OXR1: variants seen among roughly 807,000 people sequenced by gnomAD.
OXR1 encodes oxidation resistance protein 1.
OXR1 carries 41 observed loss-of-function variants against 104.6 expected under a neutral mutation model. The observed-to-expected ratio is 0.39, with a 90% CI of 0.31 to 0.51. The LOEUF (loss-of-function observed/expected upper bound fraction) is 0.51, where lower values mean the gene tolerates loss of function less well. OXR1 is among the 20% of genes least tolerant of loss of function. The pLI, the probability that OXR1 is intolerant of heterozygous loss-of-function variation, is 0.77. For synonymous variants in OXR1, 348 were observed against 348.4 expected (o/e 1.00, Z 0.01); for missense variants, 955 against 1,031.9 (o/e 0.93, Z 1.02).
intron 2 of OXR1, among the ~76,000 whole-genome samples, chr8:106,441,658 A>G (rs949877882): frequency 2.6e-5 from 4 of 151,924 alleles, no homozygotes; most frequent in African/African-American, 4.8e-5. Flanking sequence ...ATTCCTAGGT[A>G]TTTTATTCTC....
At position 106,726,099 on chromosome 8, in the gene OXR1, T is replaced by C. The variant is rs1030738919; in HGVS notation, c.1957-11421T>C. On this transcript the variant is annotated intron_variant, in intron 11 of 16. Coordinates refer to ENST00000517566, the MANE Select transcript of OXR1 (RefSeq NM_001198533.2). ...CTACTTAGTGATTAGCTCTCTCTCT[T>C]GTCAATCAAATCTTTGTCTCTAGCA... is the stretch of plus-strand genomic sequence containing the variant. The C allele has an allele frequency of 9.1e-6, 12 of 1,322,806 alleles. No homozygotes were observed. In the Admixed American group the frequency reaches 2.9e-4, roughly 32 times the overall value. 81.9% of individuals were successfully genotyped at this position (1,322,806 alleles called of 1,614,324 possible). A position where few individuals can be genotyped will look rare whatever the true frequency, so the allele number is the denominator to read the frequency against.
intron 1 of OXR1, among the ~76,000 whole-genome samples, chr8:106,297,433 C>T (rs1384387665): frequency 6.6e-6 from 1 of 152,058 alleles, no homozygotes; most frequent in East Asian, 1.9e-4. Context: ...ATAGAGTGTG[C>T]TTACACAAAC....
intron 2 of OXR1, among the ~76,000 whole-genome samples, chr8:106,406,896 A>G (rs1818265093): frequency 6.6e-6 from 1 of 151,742 alleles, no homozygotes; most frequent in African/African-American, 2.4e-5. Flanking sequence ...ACAATGTACT[A>G]TTAGTTTGGT....
At chr8:106,577,071 C>A (rs1183711859) in intron 3 of OXR1, among the ~76,000 whole-genome samples, 1 of 152,008 alleles carries the variant, frequency 6.6e-6, no homozygotes, top group African/African-American at 2.4e-5. Flanking sequence ...TAATAGTCAT[C>A]GGCAGACTTT....
chr8:106,542,232 T>C (rs1473765478), intron 3 of OXR1, among the ~76,000 whole-genome samples: 1 of 152,196 alleles, frequency 6.6e-6, no homozygotes, highest in Admixed American at 6.5e-5. Context: ...GCTAAGTTTA[T>C]ACTTGGAGAT....
chr8:106,275,860 A>T (rs868665958), intron 1 of OXR1, among the ~76,000 whole-genome samples: 3 of 152,166 alleles, frequency 2.0e-5, no homozygotes, highest in African/African-American at 4.8e-5. Context: ...ATCTTTTTTT[A>T]AAATTTCATT....
chr8:106,402,380 A>T (rs1356961314), intron 2 of OXR1, among the ~76,000 whole-genome samples: 1 of 152,180 alleles, frequency 6.6e-6, no homozygotes, highest in Non-Finnish European at 1.5e-5. Flanking sequence ...TTTTGCCATA[A>T]TGATCCTGAC....
chr8:106,526,692 G>A (rs775781372), intron 3 of OXR1, among the ~76,000 whole-genome samples: 39 of 152,220 alleles, frequency 2.6e-4, no homozygotes, highest in Admixed American at 1.5e-3. Flanking sequence ...ACAGGCGTCC[G>A]CCACCACGCC....
chr8:106,306,043 A>G (rs1438170330), intron 1 of OXR1, among the ~76,000 whole-genome samples: 5 of 150,634 alleles, frequency 3.3e-5, no homozygotes, highest in African/African-American at 1.2e-4. Context: ...ATTCCTTCAG[A>G]GCTCTTTTTT....
intron 3 of OXR1, among the ~76,000 whole-genome samples, chr8:106,614,242 G>C (rs1472275409): frequency 1.3e-5 from 2 of 152,064 alleles, no homozygotes; most frequent in African/African-American, 2.4e-5. Context: ...AAAAGGTTCA[G>C]TTTGATCAAG....
At chr8:106,398,440 A>T (rs57776602) in intron 2 of OXR1, among the ~76,000 whole-genome samples, 14,764 of 152,112 alleles carry the variant, frequency 0.097, 1,630 homozygotes, top group African/African-American at 0.27. Flanking sequence ...AGCCCCATGC[A>T]CTCAAGGAGA....
rs1045030559 is a variant in OXR1, at chr8:106,658,323, G to T, written c.221-20887G>T. 7 of 1,043,760 alleles carry T rather than the reference G, an allele frequency of 6.7e-6. No individual in the cohort carries two copies. In the African/African-American group the frequency reaches 9.9e-5, roughly 15 times the overall value. The allele number at this position is 1,043,760 out of a possible 1,614,324, so 64.7% of individuals were successfully genotyped here. ...TGGGCCGGGGCGGGCAACGTGGCCG[G>T]GGTGGCGGCCGCCGGGGGCGAGGAA... On this transcript the variant is annotated intron_variant, in intron 3 of 16. Coordinates refer to ENST00000517566, the MANE Select transcript of OXR1 (RefSeq NM_001198533.2).
intron 6 of OXR1, among the ~76,000 whole-genome samples, chr8:106,687,686 C>A (rs1587092255): frequency 6.6e-6 from 1 of 151,266 alleles, no homozygotes; most frequent in East Asian, 1.9e-4. Flanking sequence ...TGCCCTTCAG[C>A]CTGGGTTACA....
intron 3 of OXR1, among the ~76,000 whole-genome samples, chr8:106,653,606 T>A (rs988415443): frequency 2.0e-5 from 3 of 151,598 alleles, no homozygotes; most frequent in Non-Finnish European, 1.5e-5. Context: ...TAAACTAGAG[T>A]AAGGGCATCT....
At chr8:106,529,548 A>G (rs966108207) in intron 3 of OXR1, among the ~76,000 whole-genome samples, 5 of 152,208 alleles carry the variant, frequency 3.3e-5, no homozygotes, top group African/African-American at 9.6e-5. Context: ...ATAAATTTGT[A>G]GTGCCTATAA....
chr8:106,663,828 C>A (rs1262285322), intron 3 of OXR1, among the ~76,000 whole-genome samples: 2 of 152,174 alleles, frequency 1.3e-5, no homozygotes, highest in African/African-American at 4.8e-5. Flanking sequence ...CACCCCTTGC[C>A]CACATGTCCA....
chr8:106,356,926 C>A (rs904301306), intron 1 of OXR1, among the ~76,000 whole-genome samples: 4 of 151,994 alleles, frequency 2.6e-5, no homozygotes, highest in Non-Finnish European at 5.9e-5. Flanking sequence ...CAATTTTTCC[C>A]TTTAAGTGCT....
chr8:106,356,702 A>T (rs1288140295), intron 1 of OXR1, among the ~76,000 whole-genome samples: 2 of 147,856 alleles, frequency 1.4e-5, no homozygotes, highest in Non-Finnish European at 3.0e-5. Flanking sequence ...GTGCTTATTT[A>T]AAAAAAGGTT....
At chr8:106,294,525 G>T in intron 1 of OXR1, among the ~76,000 whole-genome samples, 1 of 152,064 alleles carries the variant, frequency 6.6e-6, no homozygotes, top group Non-Finnish European at 1.5e-5. Flanking sequence ...CAGCTTCTGG[G>T]GAGGACTCAG....
Sources: allele counts gnomAD v4.1 joint callset (sites outside exome capture counted in the v4.1 genomes callset), GRCh38; gene constraint gnomAD v4.1.1; transcripts MANE v1.5; gene names NCBI Gene and HGNC (gene_info 2026-07-23, HGNC 2026-07-21).